The following CSMD1 variants were observed in gnomAD, a reference collection of about 807,000 sequenced individuals.
CSMD1 encodes CUB and sushi domain-containing protein 1.
A neutral mutation model predicts 417.5 loss-of-function variants in CSMD1; 213 were observed. The ratio of observed to expected loss-of-function variants is 0.51; its 90% CI spans 0.46 to 0.57. CSMD1 has a LOEUF of 0.57. Ranked by LOEUF, CSMD1 falls within the 20% of genes least tolerant of loss-of-function variation. The pLI, the probability that CSMD1 is intolerant of heterozygous loss-of-function variation, is 0.00. For synonymous variants in CSMD1, 2,862 were observed against 1,736.8 expected (o/e 1.65, Z -16.11); for missense variants, 6,923 against 4,529.7 (o/e 1.53, Z -15.17).
rs558639921 is a variant in CSMD1, at chr8:3,131,615, T to C, written c.6241+10850A>G. Among the ~76,000 whole-genome samples the C allele has an allele frequency of 9.9e-5, 15 of 152,022 alleles. No homozygotes were observed. The East Asian group carries it at 1.9e-3, about 20-fold the overall frequency. On this transcript the variant is annotated intron_variant, in intron 41 of 69. Coordinates refer to ENST00000635120, the MANE Select transcript of CSMD1 (RefSeq NM_033225.6). ...GTCTCTTGAGTAGCTGGGATTAAAGTTGCCTGCCACCATGCCCAGCTACTT... is the reference window on the plus strand; with the variant it reads ...GTCTCTTGAGTAGCTGGGATTAAAGCTGCCTGCCACCATGCCCAGCTACTT...
intron 3 of CSMD1, among the ~76,000 whole-genome samples, chr8:4,142,062 GA>G (rs1223694262): frequency 1.9e-5 from 2 of 103,392 alleles, no homozygotes; most frequent in East Asian, 2.3e-4. Flanking sequence ...TATATAAGTT[GA>G]AAAAAAAATA....
chr8:4,097,805 T>C (rs1413055392), intron 3 of CSMD1, among the ~76,000 whole-genome samples: 1 of 152,198 alleles, frequency 6.6e-6, no homozygotes, highest in African/African-American at 2.4e-5. Flanking sequence ...ACAAATGCTG[T>C]GGGTGGGTTA....
intron 4 of CSMD1, among the ~76,000 whole-genome samples, chr8:4,007,984 C>A (rs940882596): frequency 6.6e-5 from 10 of 152,098 alleles, no homozygotes; most frequent in Non-Finnish European, 1.2e-4. Flanking sequence ...CCAAAAAGAA[C>A]GATTCATAAT....
At position 3,544,583 on chromosome 8, in the gene CSMD1, C is replaced by A. The variant is rs73658181; in HGVS notation, c.1344+30362G>T. On this transcript the variant is annotated intron_variant, in intron 10 of 69. Coordinates refer to ENST00000635120, the MANE Select transcript of CSMD1 (RefSeq NM_033225.6). ...AGATCCAAGAACCCTCTCTTAGGGT[C>A]TGGATTGGGATCCCTTTCCAGTAAC... Among the ~76,000 whole-genome samples the A allele has an allele frequency of 2.3e-3, 347 of 152,144 alleles. 8 individuals carry two copies. Among genetic ancestry groups the A allele is most frequent in the Admixed American group, 0.021 (321 of 15,280 alleles).
intron 46 of CSMD1, among the ~76,000 whole-genome samples, chr8:3,104,527 A>G (rs1563344560): frequency 6.6e-6 from 1 of 151,972 alleles, no homozygotes; most frequent in Non-Finnish European, 1.5e-5. Flanking sequence ...TACAACTTCA[A>G]TGTTAATATT....
intron 1 of CSMD1, among the ~76,000 whole-genome samples, chr8:4,953,189 T>A (rs866338331): frequency 6.6e-6 from 1 of 152,206 alleles, no homozygotes; most frequent in Non-Finnish European, 1.5e-5. Flanking sequence ...GTAGCACTCA[T>A]TGTAGGAGGA....
At position 4,268,132 on chromosome 8, in the gene CSMD1, A is replaced by T. The variant is rs527690916; in HGVS notation, c.415+151821T>A. Reference sequence around the variant, plus strand: ...TCCAAGAATATTGACACTGTTAAACATATGTCCAAATCCAAAATGTATTTT... The same window carrying T: ...TCCAAGAATATTGACACTGTTAAACTTATGTCCAAATCCAAAATGTATTTT... On this transcript the variant is annotated intron_variant, in intron 3 of 69. Coordinates refer to ENST00000635120, the MANE Select transcript of CSMD1 (RefSeq NM_033225.6). 5.9e-5 allele frequency among the ~76,000 whole-genome samples: 9 copies of T among 152,270 alleles called. No individual in the cohort carries two copies. In the South Asian group the frequency reaches 1.2e-3, roughly 21 times the overall value.
chr8:4,360,471 T>C (rs962310922), intron 3 of CSMD1, among the ~76,000 whole-genome samples: 8 of 152,170 alleles, frequency 5.3e-5, no homozygotes, highest in Non-Finnish European at 1.2e-4. Flanking sequence ...TAACCTCTTT[T>C]TTCTTGCACA....
chr8:4,422,219 A>C (rs550516410), intron 2 of CSMD1, among the ~76,000 whole-genome samples: 5 of 152,230 alleles, frequency 3.3e-5, no homozygotes, highest in African/African-American at 1.2e-4. Flanking sequence ...ACTTTAAAGA[A>C]TTAACACTAA....
At chr8:4,644,139 C>T (rs1803371446) in intron 1 of CSMD1, among the ~76,000 whole-genome samples, 1 of 152,194 alleles carries the variant, frequency 6.6e-6, no homozygotes, top group South Asian at 2.1e-4. Context: ...GGAGCTCTTA[C>T]ACTCAAAATG....
intron 6 of CSMD1, among the ~76,000 whole-genome samples, chr8:3,719,646 G>C (rs984138332): frequency 6.6e-6 from 1 of 152,174 alleles, no homozygotes; most frequent in Non-Finnish European, 1.5e-5. Context: ...ACTCTGGGTA[G>C]GGCGGTCAGA....
chr8:3,931,604 G>C (rs1373830143), intron 5 of CSMD1, among the ~76,000 whole-genome samples: 1 of 149,782 alleles, frequency 6.7e-6, no homozygotes, highest in African/African-American at 2.5e-5. Flanking sequence ...TCAAATCATT[G>C]CGCCAAGAGT....
At chr8:2,986,196 T>A (rs554888875) in intron 54 of CSMD1, among the ~76,000 whole-genome samples, 45 of 152,300 alleles carry the variant, frequency 3.0e-4, no homozygotes, top group African/African-American at 1.1e-3. Flanking sequence ...TGCGATAATA[T>A]AAACTTTGAA....
rs59927132 is a variant in CSMD1, at chr8:3,168,631, T to TCACACACACACACACA, written c.5726-6370_5726-6355dup. ...TGTGTAAGGAGTCAGTAAGTCTTCA[T>TCACACACACACACACA]CACACACACACACACACACACAAAT... On this transcript the variant is annotated intron_variant, in intron 37 of 69. Coordinates refer to ENST00000635120, the MANE Select transcript of CSMD1 (RefSeq NM_033225.6). Among the ~76,000 whole-genome samples, 605 of 148,900 alleles carry TCACACACACACACACA rather than the reference T, an allele frequency of 4.1e-3. 3 individuals are homozygous for TCACACACACACACACA. The highest frequency in any genetic ancestry group is 0.019 in the East Asian group (93 of 4,986).
chr8:3,777,718 G>C (rs1416951190), intron 5 of CSMD1, among the ~76,000 whole-genome samples: 3 of 152,204 alleles, frequency 2.0e-5, no homozygotes, highest in East Asian at 1.9e-4. Flanking sequence ...CAGATGCAGA[G>C]TCTCAGGCCA....
chr8:4,341,937 G>A (rs1192820436), intron 3 of CSMD1, among the ~76,000 whole-genome samples: 1 of 152,016 alleles, frequency 6.6e-6, no homozygotes, highest in African/African-American at 2.4e-5. Context: ...ACTATGCTTT[G>A]TCCAATGGAC....
chr8:4,074,106 G>C (rs562537643), intron 3 of CSMD1, among the ~76,000 whole-genome samples: 1 of 152,036 alleles, frequency 6.6e-6, no homozygotes, highest in East Asian at 1.9e-4. Flanking sequence ...TATTAAGTGA[G>C]CTTAAATGGG....
At chr8:3,893,296 G>A (rs1488474860) in intron 5 of CSMD1, among the ~76,000 whole-genome samples, 1 of 126,646 alleles carries the variant, frequency 7.9e-6, no homozygotes, top group Non-Finnish European at 1.6e-5. Context: ...ATTTCTTATT[G>A]TAAAGAAAAA....
intron 3 of CSMD1, among the ~76,000 whole-genome samples, chr8:4,162,718 T>A (rs930542771): frequency 6.6e-6 from 1 of 152,154 alleles, no homozygotes; most frequent in Non-Finnish European, 1.5e-5. Context: ...GTGGTGCATT[T>A]GTTCCAATCG....
Sources: allele counts gnomAD v4.1 joint callset (sites outside exome capture counted in the v4.1 genomes callset), GRCh38; gene constraint gnomAD v4.1.1; transcripts MANE v1.5; gene names NCBI Gene and HGNC (gene_info 2026-07-23, HGNC 2026-07-21).